Variants in EFNA5 observed in about 807,000 individuals in gnomAD.
EFNA5 encodes ephrin-A5.
A neutral mutation model predicts 22.9 loss-of-function variants in EFNA5; 5 were observed. That is an observed-to-expected ratio of 0.22 (90% CI 0.11 to 0.46). The LOEUF is 0.46. Among genes scored for constraint, EFNA5 ranks in the 20% least tolerant of loss-of-function variants. EFNA5 has a pLI of 0.99. For missense variants in EFNA5, 237 were observed against 293.3 expected (o/e 0.81, Z 1.40); for synonymous variants, 113 against 112.2 (o/e 1.01, Z -0.04).
In EFNA5 at chr5:107,643,130, G is replaced by A. The variant is rs1580577701; in HGVS notation, c.125+27359C>T. On this transcript the variant is annotated intron_variant, in intron 1 of 4. Coordinates refer to ENST00000333274, the MANE Select transcript of EFNA5 (RefSeq NM_001962.3). ...CAACAGCACATTTCTCTTCTAACAC[G>A]GATGCCCCTGCACCGGCTGACTTAG... Among the ~76,000 whole-genome samples, 4 of 152,066 alleles carry A rather than the reference G, an allele frequency of 2.6e-5. No individual in the cohort carries two copies. In the South Asian group the frequency reaches 6.2e-4, roughly 24 times the overall value.
At chr5:107,556,814 A>C (rs1748431796) in intron 1 of EFNA5, among the ~76,000 whole-genome samples, 1 of 151,486 alleles carries the variant, frequency 6.6e-6, no homozygotes, top group Admixed American at 6.6e-5. Flanking sequence ...AACTATCTCA[A>C]ATCCAGTGGT....
intron 1 of EFNA5, among the ~76,000 whole-genome samples, chr5:107,453,032 T>G (rs896527301): frequency 6.6e-6 from 1 of 152,218 alleles, no homozygotes; most frequent in African/African-American, 2.4e-5. Context: ...CCCTGCATTG[T>G]TTTAAATAAA....
At chr5:107,439,277 C>G (rs1176823121) in intron 1 of EFNA5, among the ~76,000 whole-genome samples, 20 of 152,222 alleles carry the variant, frequency 1.3e-4, no homozygotes, top group Non-Finnish European at 2.2e-4. Context: ...AAGAGAGCCC[C>G]CCACCGGAAA....
chr5:107,655,952 G>C (rs776394332), intron 1 of EFNA5, among the ~76,000 whole-genome samples: 4 of 152,112 alleles, frequency 2.6e-5, no homozygotes, highest in African/African-American at 9.7e-5. Flanking sequence ...CAAGCAGAGC[G>C]TCAAGAGGTT....
At chr5:107,424,689 C>T (rs897206218) in intron 2 of EFNA5, among the ~76,000 whole-genome samples, 1 of 152,026 alleles carries the variant, frequency 6.6e-6, no homozygotes, top group Non-Finnish European at 1.5e-5. Context: ...TAGCTATTTC[C>T]CAATCATCTT....
rs78273182 is a variant in EFNA5 at position 107,632,041 on chromosome 5, T to G, written c.125+38448A>C. On this transcript the variant is annotated intron_variant, in intron 1 of 4. Transcript: ENST00000333274. ...TTCCAGCCACCAGTTGCCCAGCACA[T>G]GGCTGAGAGGGAAGAACGAGCCAGT... Among the ~76,000 whole-genome samples, 492 of 152,342 alleles carry G rather than the reference T, an allele frequency of 3.2e-3. 3 individuals carry two copies. Among genetic ancestry groups the G allele is most frequent in the African/African-American group, 0.011 (462 of 41,582 alleles).
At chr5:107,413,840 T>C (rs974577470) in intron 2 of EFNA5, among the ~76,000 whole-genome samples, 1 of 152,174 alleles carries the variant, frequency 6.6e-6, no homozygotes, top group African/African-American at 2.4e-5. Context: ...GGATTTATTA[T>C]GACCATTGTG....
At chr5:107,473,902 G>A (rs1317593427) in intron 1 of EFNA5, among the ~76,000 whole-genome samples, 5 of 151,958 alleles carry the variant, frequency 3.3e-5, no homozygotes, top group African/African-American at 7.3e-5. Flanking sequence ...CTCGTGATCC[G>A]CCTTTCTCGG....
rs941732737 is a variant in EFNA5 at position 107,461,256 on chromosome 5, A to G, written c.126-33747T>C. ...GACTACAGTAAAAGCATGTGTTAAA[A>G]TATCCATAATCACAACATCTAAGCA... On this transcript the variant is annotated intron_variant, in intron 1 of 4. Transcript: ENST00000333274. 3.3e-5 allele frequency among the ~76,000 whole-genome samples: 5 copies of G among 152,310 alleles called. No individual in the cohort carries two copies. The East Asian group carries it at 7.7e-4, about 24-fold the overall frequency.
At chr5:107,564,295 T>C (rs965528072) in intron 1 of EFNA5, among the ~76,000 whole-genome samples, 1 of 152,204 alleles carries the variant, frequency 6.6e-6, no homozygotes, top group Non-Finnish European at 1.5e-5. Context: ...CTCCTAGCCT[T>C]CCCTCCATTC....
chr5:107,645,625 AGGGGTAG>A (rs1750620004), intron 1 of EFNA5, among the ~76,000 whole-genome samples: 1 of 152,216 alleles, frequency 6.6e-6, no homozygotes, highest in Non-Finnish European at 1.5e-5. Flanking sequence ...AAGATTGGGC[AGGGGTAG>A]TTCTTTTCAT....
At chr5:107,550,048 T>C (rs996843447) in intron 1 of EFNA5, among the ~76,000 whole-genome samples, 48 of 152,244 alleles carry the variant, frequency 3.2e-4, no homozygotes, top group African/African-American at 1.2e-3. Flanking sequence ...TCAAGCTCAT[T>C]ATAGGGTCTT....
chr5:107,534,475 A>G (rs1407167802), intron 1 of EFNA5, among the ~76,000 whole-genome samples: 2 of 152,318 alleles, frequency 1.3e-5, no homozygotes, highest in Non-Finnish European at 2.9e-5. Flanking sequence ...ACATAATACT[A>G]GTTGTGGTTG....
intron 1 of EFNA5, among the ~76,000 whole-genome samples, chr5:107,602,039 C>T (rs749487235): frequency 4.6e-5 from 7 of 152,084 alleles, no homozygotes; most frequent in African/African-American, 7.2e-5. Flanking sequence ...AGCATTACTC[C>T]GAATTTAACG....
intron 1 of EFNA5, among the ~76,000 whole-genome samples, chr5:107,516,769 T>C (rs1467547788): frequency 6.6e-6 from 1 of 152,226 alleles, no homozygotes. Context: ...CAGGGCTCCT[T>C]GCTCCTCTGT....
At chr5:107,626,882 T>A (rs1456953135) in intron 1 of EFNA5, among the ~76,000 whole-genome samples, 1 of 152,178 alleles carries the variant, frequency 6.6e-6, no homozygotes, top group Non-Finnish European at 1.5e-5. Context: ...AATGAATGGA[T>A]GCCTAGACCA....
chr5:107,547,574 G>A (rs189146078), intron 1 of EFNA5, among the ~76,000 whole-genome samples: 1 of 151,740 alleles, frequency 6.6e-6, no homozygotes, highest in African/African-American at 2.4e-5. Context: ...AATGCCTGTT[G>A]TGCAAATAAA....
At chr5:107,408,967 A>T (rs1009074860) in intron 2 of EFNA5, among the ~76,000 whole-genome samples, 10 of 152,244 alleles carry the variant, frequency 6.6e-5, no homozygotes, top group Non-Finnish European at 1.5e-4. Context: ...TCTGTATGGG[A>T]TGGAGTGGTA....
At chr5:107,482,870 C>CTCTATATATATA (rs1328872977) in intron 1 of EFNA5, among the ~76,000 whole-genome samples, 1 of 59,116 alleles carries the variant, frequency 1.7e-5, no homozygotes, top group African/African-American at 7.7e-5. Context: ...CTCTCTCTCT[C>CTCTATATATATA]TATATATATA....
Sources: gnomAD v4.1 joint callset for allele counts (sites outside exome capture counted in the v4.1 genomes callset) on GRCh38, gnomAD v4.1.1 for gene constraint, MANE v1.5 for transcripts, NCBI Gene and HGNC (gene_info 2026-07-23, HGNC 2026-07-21) for gene names.